MTA3: variants seen among roughly 807,000 people sequenced by gnomAD.
The protein encoded by MTA3 is metastasis-associated protein MTA3.
A neutral mutation model predicts 83.5 loss-of-function variants in MTA3; 34 were observed. The ratio of observed to expected loss-of-function variants is 0.41; its 90% CI spans 0.31 to 0.54. The LOEUF is 0.54. Ranked by LOEUF, MTA3 falls within the 20% of genes least tolerant of loss-of-function variation. The pLI is 0.33. For missense variants in MTA3, 761 were observed against 726.4 expected, an observed-to-expected ratio of 1.05 and a Z score of -0.55; for synonymous variants, 303 against 252.7, an observed-to-expected ratio of 1.20 and a Z score of -1.89.
intron 2 of MTA3, among the ~76,000 whole-genome samples, chr2:42,504,848 G>C (rs977863187): frequency 6.6e-6 from 1 of 151,968 alleles, no homozygotes; most frequent in East Asian, 1.9e-4. Context: ...TAAATTTCCA[G>C]CTTTGCAAAG....
intron 8 of MTA3, among the ~76,000 whole-genome samples, chr2:42,668,113 C>T (rs1181850886): frequency 6.6e-6 from 1 of 152,170 alleles, no homozygotes; most frequent in African/African-American, 2.4e-5. Context: ...AGAGGGAGTG[C>T]AGCCACACTA....
intron 8 of MTA3, among the ~76,000 whole-genome samples, chr2:42,661,219 A>G (rs988476048): frequency 1.3e-5 from 2 of 152,166 alleles, no homozygotes; most frequent in African/African-American, 4.8e-5. Flanking sequence ...TACAGATGTC[A>G]TGTTTGCAAG....
chr2:42,629,813 C>G (rs1045605717), intron 4 of MTA3, among the ~76,000 whole-genome samples: 12 of 151,890 alleles, frequency 7.9e-5, no homozygotes, highest in African/African-American at 2.7e-4. Context: ...TAGTCTTGCT[C>G]TGTCTCCCAG....
intron 2 of MTA3, among the ~76,000 whole-genome samples, chr2:42,498,097 C>T (rs77413374): frequency 1.5e-3 from 228 of 152,322 alleles, no homozygotes; most frequent in African/African-American, 5.1e-3. Context: ...ACCCTGTGGG[C>T]ACTACTGTTC....
At chr2:42,534,461 G>C (rs1401742865) in intron 2 of MTA3, among the ~76,000 whole-genome samples, 1 of 152,090 alleles carries the variant, frequency 6.6e-6, no homozygotes, top group Non-Finnish European at 1.5e-5. Context: ...GCCAGGAGTG[G>C]TGGTGAGCAC....
Position 42,701,806 on chromosome 2 carries a change from G to C in MTA3, c.1026-2388G>C, listed in dbSNP as rs562574810. On this transcript the variant is annotated intron_variant, in intron 11 of 16. Coordinates refer to ENST00000405094, the MANE Select transcript of MTA3 (RefSeq NM_001330442.2). ...TGGCGGGAGCCTGTACCAGCTACTT[G>C]GGAGGCTGAGGCAGGAGAATCGCTT... Among the ~76,000 whole-genome samples, 30 of 151,650 alleles carry C rather than the reference G, an allele frequency of 2.0e-4. No homozygotes were observed. In the East Asian group the frequency reaches 5.8e-3, roughly 30 times the overall value.
At chr2:42,638,681 G>GTTA (rs758919192) in intron 4 of MTA3, among the ~76,000 whole-genome samples, 2 of 146,918 alleles carry the variant, frequency 1.4e-5, no homozygotes, top group Non-Finnish European at 3.0e-5. Flanking sequence ...TTTCAGTGTT[G>GTTA]TTATGTGTGC....
intron 4 of MTA3, among the ~76,000 whole-genome samples, chr2:42,615,332 T>G (rs1046019479): frequency 6.6e-6 from 1 of 151,610 alleles, no homozygotes; most frequent in Non-Finnish European, 1.5e-5. Flanking sequence ...CCTTGTATAG[T>G]GTTTACATTT....
chr2:42,659,665 G>T, intron 7 of MTA3, 98 bp from the exon 8 acceptor site: 1 of 880,322 alleles, frequency 1.1e-6, no homozygotes, highest in South Asian at 3.4e-5. Flanking sequence ...TTCTTTTACA[G>T]TTTTTTATTT....
At chr2:42,616,115 C>T (rs969366394) in intron 4 of MTA3, among the ~76,000 whole-genome samples, 6 of 151,792 alleles carry the variant, frequency 4.0e-5, no homozygotes, top group African/African-American at 1.5e-4. Flanking sequence ...GGCTAGAGTG[C>T]AGTGGTGTGA....
At chr2:42,676,048 C>T (rs1691325469) in intron 8 of MTA3, among the ~76,000 whole-genome samples, 1 of 152,166 alleles carries the variant, frequency 6.6e-6, no homozygotes, top group African/African-American at 2.4e-5. Flanking sequence ...ACTCTCCTCT[C>T]CTTTGGTCTT....
At chr2:42,505,830 G>A (rs866633468) in intron 2 of MTA3, among the ~76,000 whole-genome samples, 2 of 149,686 alleles carry the variant, frequency 1.3e-5, no homozygotes, top group Admixed American at 6.7e-5. Flanking sequence ...GTGCAATGGC[G>A]TGATCTCAGC....
Position 42,753,486 on chromosome 2 carries a change from C to G in MTA3, c.*87C>G. The stretch of plus-strand genomic sequence containing the variant: ...CGTGCCTGGGAAGAAGGCAGCCCCA[C>G]TCCCAGTACATTTCAGTGGGAGACC... On this transcript the variant is annotated 3_prime_UTR_variant, in exon 17 of 17. Transcript: ENST00000405094. 1 of 1,546,086 alleles carries G rather than the reference C, an allele frequency of 6.5e-7. No individual in the cohort carries two copies. The highest frequency in any genetic ancestry group is 2.4e-5 in the East Asian group (1 of 40,828).
intron 2 of MTA3, among the ~76,000 whole-genome samples, chr2:42,552,419 A>G (rs559698670): frequency 6.3e-4 from 96 of 152,292 alleles, no homozygotes; most frequent in African/African-American, 2.3e-3. Context: ...CTTGTCTTAA[A>G]ACTTTCTCTC....
At chr2:42,602,573 T>G (rs1413843184) in intron 3 of MTA3, among the ~76,000 whole-genome samples, 1 of 152,172 alleles carries the variant, frequency 6.6e-6, no homozygotes, top group Non-Finnish European at 1.5e-5. Context: ...GTCTTTTAAA[T>G]TTTTAGCTAT....
At chr2:42,702,203 C>T (rs1273068926) in intron 11 of MTA3, 1 of 152,328 alleles carries the variant, frequency 6.6e-6, no homozygotes, top group Non-Finnish European at 1.5e-5. Context: ...AAGAGCGAGA[C>T]TTTGTCTCAA....
In MTA3 at chr2:42,635,457, G is replaced by A. The variant is rs563757512; in HGVS notation, c.318-4716G>A. 5.3e-5 allele frequency among the ~76,000 whole-genome samples: 8 copies of A among 152,078 alleles called. No homozygotes were observed. The South Asian group carries it at 1.5e-3, about 28-fold the overall frequency. On this transcript the variant is annotated intron_variant, in intron 4 of 16. Transcript: ENST00000405094. Reference sequence around the variant, plus strand: ...AGCCTGACCAACATGGTGAAACCCCGTCTTTACTAAAAATACAAAAATGAG... The same window carrying A: ...AGCCTGACCAACATGGTGAAACCCCATCTTTACTAAAAATACAAAAATGAG...
intron 9 of MTA3, among the ~76,000 whole-genome samples, chr2:42,691,429 A>G (rs1262484482): frequency 2.6e-5 from 4 of 152,096 alleles, no homozygotes; most frequent in Non-Finnish European, 5.9e-5. Context: ...TTTTAACTTC[A>G]TTCCCCTTTT....
chr2:42,712,712 A>G (rs1666726059), intron 14 of MTA3: 1 of 152,186 alleles, frequency 6.6e-6, no homozygotes, highest in African/African-American at 2.4e-5. Context: ...CCCAACAGCA[A>G]GGTTATAAAA....
Sources: allele counts gnomAD v4.1 joint callset (sites outside exome capture counted in the v4.1 genomes callset), GRCh38; gene constraint gnomAD v4.1.1; transcripts MANE v1.5; gene names NCBI Gene and HGNC (gene_info 2026-07-23, HGNC 2026-07-21).